Variants in KHDRBS2 observed in about 807,000 individuals in gnomAD.
KHDRBS2 encodes KH domain-containing, RNA-binding, signal transduction-associated protein 2.
In KHDRBS2, 26 loss-of-function variants were observed where a neutral mutation model predicts 44.3. The ratio of observed to expected loss-of-function variants is 0.59; its 90% CI spans 0.43 to 0.81. The LOEUF is 0.81. Among genes scored for constraint, KHDRBS2 ranks in the 40% least tolerant of loss-of-function variants. The pLI, the probability that KHDRBS2 is intolerant of heterozygous loss-of-function variation, is 0.00. For missense variants in KHDRBS2, 476 were observed against 433.1 expected (o/e 1.10, Z -0.88); for synonymous variants, 194 against 151.1 (o/e 1.28, Z -2.08).
intron 3 of KHDRBS2, among the ~76,000 whole-genome samples, chr6:62,043,001 A>G (rs529780673): frequency 4.9e-4 from 75 of 152,246 alleles, no homozygotes; most frequent in African/African-American, 1.8e-3. Flanking sequence ...TGTTCACAAC[A>G]TGTCCATTTG....
At chr6:61,708,066 T>C (rs866346485) in intron 7 of KHDRBS2, among the ~76,000 whole-genome samples, 1 of 151,636 alleles carries the variant, frequency 6.6e-6, no homozygotes. Context: ...ATTTTTTCCA[T>C]TTAGAAATTG....
chr6:61,562,765 GAA>G, the KHDRBS2 span, among the ~76,000 whole-genome samples: 3 of 152,228 alleles, frequency 2.0e-5, no homozygotes, highest in Non-Finnish European at 2.9e-5. Context: ...GAAAGTATGT[GAA>G]GTTTGTTTTT....
At chr6:61,825,862 G>T (rs1456852302) in intron 6 of KHDRBS2, among the ~76,000 whole-genome samples, 3 of 152,064 alleles carry the variant, frequency 2.0e-5, no homozygotes, top group African/African-American at 4.8e-5. Context: ...ACTGTATGAG[G>T]ATTAAATTAA....
intron 4 of KHDRBS2, among the ~76,000 whole-genome samples, chr6:61,927,789 T>C (rs1248514209): frequency 6.6e-6 from 1 of 152,116 alleles, no homozygotes; most frequent in Non-Finnish European, 1.5e-5. Flanking sequence ...ATCTGTTCCA[T>C]AGAAAATGGG....
At chr6:61,782,432 T>G (rs1783077366) in intron 6 of KHDRBS2, among the ~76,000 whole-genome samples, 1 of 151,956 alleles carries the variant, frequency 6.6e-6, no homozygotes, top group South Asian at 2.1e-4. Flanking sequence ...TCTTAGTTTA[T>G]TTTTGCAGTT....
At chr6:61,674,027 G>A in the KHDRBS2 span, among the ~76,000 whole-genome samples, 24 of 151,830 alleles carry the variant, frequency 1.6e-4, no homozygotes, top group African/African-American at 5.8e-4. Context: ...ACAGATTGAC[G>A]AATAAAAGCT....
intron 8 of KHDRBS2, 48 bp from the exon 9 acceptor site, chr6:61,681,108 C>A: frequency 4.0e-6 from 5 of 1,250,106 alleles, no homozygotes; most frequent in Non-Finnish European, 5.8e-6. Context: ...TCACAGTTAC[C>A]AAAAATAGTC....
At chr6:61,916,061 G>T (rs1394139014) in intron 4 of KHDRBS2, among the ~76,000 whole-genome samples, 1 of 151,962 alleles carries the variant, frequency 6.6e-6, no homozygotes, top group African/African-American at 2.4e-5. Context: ...TTTTCCAAGA[G>T]ATTTGATTTC....
the KHDRBS2 span, among the ~76,000 whole-genome samples, chr6:61,551,069 C>T: frequency 1.6e-4 from 24 of 152,112 alleles, no homozygotes; most frequent in Non-Finnish European, 2.6e-4. Context: ...TCACCATGCC[C>T]ATCCAAGTTG....
At chr6:61,943,002 GAA>G (rs1812448247) in intron 4 of KHDRBS2, among the ~76,000 whole-genome samples, 1 of 120,222 alleles carries the variant, frequency 8.3e-6, no homozygotes, top group South Asian at 2.9e-4. Context: ...AAGAAAGAAA[GAA>G]AGAGAGAGAG....
chr6:62,056,705 C>T (rs1456623831), intron 2 of KHDRBS2, among the ~76,000 whole-genome samples: 2 of 151,926 alleles, frequency 1.3e-5, no homozygotes, highest in Admixed American at 6.6e-5. Context: ...AACCTTCTTT[C>T]CCCTTTATTG....
chr6:61,928,456 G>A (rs888666735), intron 4 of KHDRBS2, among the ~76,000 whole-genome samples: 2 of 152,014 alleles, frequency 1.3e-5, no homozygotes, highest in African/African-American at 4.8e-5. Flanking sequence ...GGAATTATGA[G>A]TCTATTATTT....
At chr6:61,840,715 C>T (rs957012900) in intron 6 of KHDRBS2, among the ~76,000 whole-genome samples, 4 of 152,120 alleles carry the variant, frequency 2.6e-5, no homozygotes, top group Admixed American at 6.6e-5. Flanking sequence ...CAGCTGCATT[C>T]TACGGTGAAT....
chr6:61,775,066 A>T (rs1270254362), intron 6 of KHDRBS2, among the ~76,000 whole-genome samples: 1 of 152,196 alleles, frequency 6.6e-6, no homozygotes, highest in Non-Finnish European at 1.5e-5. Flanking sequence ...AGAGATGCAG[A>T]AAAGACCTTT....
chr6:62,164,694 T>C (rs777639196), intron 2 of KHDRBS2, among the ~76,000 whole-genome samples: 1 of 152,048 alleles, frequency 6.6e-6, no homozygotes. Context: ...CATAAATTGC[T>C]AGATATGCAA....
rs1818719254 is a variant in KHDRBS2 at position 62,166,503 on chromosome 6, T to C, written c.219+10682A>G. On this transcript the variant is annotated intron_variant, in intron 2 of 8. Coordinates refer to ENST00000281156, the MANE Select transcript of KHDRBS2 (RefSeq NM_152688.4). Reference sequence around the variant, plus strand: ...GAAAATAAAAGTTACTCCTAATTTCTCTACATGGATCCAAATGTCTTTCAA... The same window carrying C: ...GAAAATAAAAGTTACTCCTAATTTCCCTACATGGATCCAAATGTCTTTCAA... Among the ~76,000 whole-genome samples, 3 of 152,068 alleles carry C rather than the reference T, an allele frequency of 2.0e-5. No homozygotes were observed. The South Asian group carries it at 6.2e-4, about 32-fold the overall frequency.
chr6:62,205,009 A>G (rs1312906499), intron 1 of KHDRBS2, among the ~76,000 whole-genome samples: 1 of 152,166 alleles, frequency 6.6e-6, no homozygotes, highest in Non-Finnish European at 1.5e-5. Flanking sequence ...TAATTAATTA[A>G]TATAACGAAG....
intron 6 of KHDRBS2, among the ~76,000 whole-genome samples, chr6:61,783,377 T>G (rs1783311675): frequency 6.6e-6 from 1 of 152,084 alleles, no homozygotes; most frequent in Non-Finnish European, 1.5e-5. Context: ...GCGCTTTCCA[T>G]GTTGCATTGT....
At chr6:61,783,010 G>C (rs1783245252) in intron 6 of KHDRBS2, among the ~76,000 whole-genome samples, 1 of 151,872 alleles carries the variant, frequency 6.6e-6, no homozygotes. Flanking sequence ...CCATAGTTAA[G>C]GGGTGAGGAT....
Sources: allele counts gnomAD v4.1 joint callset (sites outside exome capture counted in the v4.1 genomes callset), GRCh38; gene constraint gnomAD v4.1.1; transcripts MANE v1.5; gene names NCBI Gene and HGNC (gene_info 2026-07-23, HGNC 2026-07-21).